Variants in DNAI7 observed in about 807,000 individuals in gnomAD.
The protein encoded by DNAI7 is cancer susceptibility 1.
A neutral mutation model predicts 86.6 loss-of-function variants in DNAI7; 78 were observed. That is an observed-to-expected ratio of 0.90 (90% confidence interval 0.75 to 1.09). The LOEUF (loss-of-function observed/expected upper bound fraction) is 1.09, where lower values mean the gene tolerates loss of function less well. Ranked by LOEUF, DNAI7 falls within the 50% of genes least tolerant of loss-of-function variation. The probability of loss-of-function intolerance (pLI) is 0.00; values close to 1 mark genes in which losing one functional copy is unlikely to be tolerated. For missense variants in DNAI7, 753 were observed against 810.2 expected, an observed-to-expected ratio of 0.93 and a Z score of 0.86; for synonymous variants, 274 against 273.0, an observed-to-expected ratio of 1.00 and a Z score of -0.04.
At chr12:25,122,648 T>A (rs1419302364) in intron 10 of DNAI7, among the ~76,000 whole-genome samples, 4 of 152,198 alleles carry the variant, frequency 2.6e-5, no homozygotes, top group African/African-American at 9.6e-5. Flanking sequence ...CGCTATTGCC[T>A]TGACACTTCT....
intron 9 of DNAI7, among the ~76,000 whole-genome samples, chr12:25,141,850 C>T (rs1378069560): frequency 6.6e-6 from 1 of 151,500 alleles, no homozygotes; most frequent in Non-Finnish European, 1.5e-5. Context: ...AAAAAAAAGG[C>T]CATAATTTAA....
At chr12:25,107,072 T>C, downstream of DNAI7, 1 of 1,365,496 alleles carries the variant, frequency 7.3e-7, no homozygotes. Context: ...ACTTGATAAA[T>C]TCTACCATTT....
intron 9 of DNAI7, among the ~76,000 whole-genome samples, chr12:25,129,296 G>T (rs901495611): frequency 6.6e-6 from 1 of 152,162 alleles, no homozygotes; most frequent in Middle Eastern, 3.4e-3. Context: ...ATTTATTGTT[G>T]ATTTCTCCTA....
In DNAI7 at chr12:25,121,768, T is replaced by C. The variant is rs1280139920; in HGVS notation, c.1224A>G (p.Gly408=). 5.0e-6 allele frequency: 8 copies of C among 1,599,296 alleles called. No individual in the cohort carries two copies. In the South Asian group the frequency reaches 6.9e-5, roughly 14 times the overall value. Residue 408 remains glycine, a synonymous_variant, in exon 11 of 16, where the codon GGA becomes GGG. Transcript: ENST00000395987. ...ELPPQCKPVK[G]WMIVEILKEG... ...ATCAACCTACTTCCACAATCATCCA[T>C]CCCTTCACTGGTTTACACTGTGGAG... is the stretch of plus-strand genomic sequence containing the variant.
intron 10 of DNAI7, 38 bp from the exon 11 acceptor site, chr12:25,121,951 C>T (rs770444340): frequency 1.4e-6 from 2 of 1,387,374 alleles, no homozygotes; most frequent in Admixed American, 2.5e-5. Context: ...AAATAGATTA[C>T]AGTTTAGTAT....
chr12:25,190,626 G>A lies in DNAI7; in HGVS notation c.9C>T (p.Pro3=), dbSNP rs373095400. The A allele has an allele frequency of 6.1e-5, 85 of 1,403,442 alleles. No individual in the cohort carries two copies. The highest frequency in any genetic ancestry group is 7.4e-5 in the Non-Finnish European group (76 of 1,029,008). 86.9% of individuals were successfully genotyped at this position (1,403,442 alleles called of 1,614,324 possible). A position where few individuals can be genotyped will look rare whatever the true frequency, so the allele number is the denominator to read the frequency against. The change falls in exon 2 of 16, where the codon CCC becomes CCT. Residue 3 remains proline (P), a synonymous_variant. Coordinates refer to ENST00000395987, the MANE Select transcript of DNAI7 (RefSeq NM_018272.5). MG[P]KAKKSGSKKK... is the part of the protein sequence containing the mutation. ...AAATTCTACATACCTTTTTTGCTTTGGGACCCTAAAAGTTGGAAAACAAAA... is the reference window on the plus strand; with the variant it reads ...AAATTCTACATACCTTTTTTGCTTTAGGACCCTAAAAGTTGGAAAACAAAA...
rs372123902 is a variant in DNAI7, at chr12:25,175,640, G to A, written c.22-14443C>T. On this transcript the variant is annotated intron_variant, in intron 2 of 15. Transcript: ENST00000395987. ...TGGGATTACAGGCATGAGCCACTGC[G>A]CCCGGCTCTACACATTTTTAAGGTG... Among the ~76,000 whole-genome samples, 29 of 138,484 alleles carry A rather than the reference G, an allele frequency of 2.1e-4. No individual in the cohort carries two copies. The South Asian group carries it at 2.1e-3, about 10-fold the overall frequency. 90.9% of individuals were successfully genotyped at this position (138,484 alleles called of 152,430 possible). A position where few individuals can be genotyped will look rare whatever the true frequency, so the allele number is the denominator to read the frequency against.
intron 2 of DNAI7, among the ~76,000 whole-genome samples, chr12:25,180,767 C>T (rs1949420368): frequency 6.6e-6 from 1 of 152,118 alleles, no homozygotes; most frequent in Non-Finnish European, 1.5e-5. Flanking sequence ...TAACTCTTAA[C>T]ATATATAAAA....
intron 2 of DNAI7, among the ~76,000 whole-genome samples, chr12:25,163,232 A>G (rs760471691): frequency 3.9e-5 from 6 of 152,228 alleles, no homozygotes; most frequent in Non-Finnish European, 7.3e-5. Context: ...TCTGAGCCCA[A>G]GCTAAGCCAT....
intron 14 of DNAI7, among the ~76,000 whole-genome samples, chr12:25,110,519 T>C (rs1477713514): frequency 6.6e-6 from 1 of 152,166 alleles, no homozygotes; most frequent in Non-Finnish European, 1.5e-5. Context: ...CTTTGCTCTC[T>C]CAGTTCCAGG....
intron 2 of DNAI7, among the ~76,000 whole-genome samples, chr12:25,169,712 G>A (rs1215302527): frequency 1.3e-5 from 2 of 151,970 alleles, no homozygotes; most frequent in African/African-American, 2.4e-5. Flanking sequence ...GCTGGATGTG[G>A]TGGCATGCAC....
intron 2 of DNAI7, among the ~76,000 whole-genome samples, chr12:25,180,063 TC>T (rs1949356668): frequency 6.6e-6 from 1 of 152,170 alleles, no homozygotes; most frequent in African/African-American, 2.4e-5. Flanking sequence ...TCCAAATACC[TC>T]CTGGACCTGA....
Position 25,108,542 on chromosome 12 carries a change from T to C in DNAI7, c.*6A>G, listed in dbSNP as rs1288100698. 3 of 1,608,068 alleles carry C rather than the reference T, an allele frequency of 1.9e-6. No homozygotes were observed. The East Asian group carries it at 6.7e-5, about 36-fold the overall frequency. ...TCATACTTACAATACAGTTTGTAAG[T>C]GGAGGTTAGGAGTAGCTGAGCAATC... On this transcript the variant is annotated 3_prime_UTR_variant, in exon 16 of 16. Transcript: ENST00000395987.
chr12:25,114,918 T>TA, intron 12 of DNAI7, 48 bp from the exon 13 acceptor site: 7 of 1,384,786 alleles, frequency 5.1e-6, no homozygotes, highest in Non-Finnish European at 7.0e-6. Flanking sequence ...TTTTCCCTAT[T>TA]AAAAAAAGAT....
intron 9 of DNAI7, among the ~76,000 whole-genome samples, chr12:25,128,580 CA>C (rs1942453425): frequency 1.3e-5 from 2 of 152,184 alleles, no homozygotes; most frequent in African/African-American, 4.8e-5. Context: ...TTGCATCCCC[CA>C]AACTTACCCA....
At chr12:25,169,027 C>T (rs1020104757) in intron 2 of DNAI7, among the ~76,000 whole-genome samples, 1 of 152,138 alleles carries the variant, frequency 6.6e-6, no homozygotes, top group African/African-American at 2.4e-5. Context: ...TCTCTCCATA[C>T]CACCCCCAAA....
rs116932968 is a variant in DNAI7, at chr12:25,136,747, A to T, written c.1002+7618T>A. Among the ~76,000 whole-genome samples the T allele has an allele frequency of 5.5e-3, 833 of 152,054 alleles. 6 individuals carry two copies. Among genetic ancestry groups the T allele is most frequent in the Non-Finnish European group, 8.7e-3 (591 of 68,032 alleles). ...CACAACTTCTGGAAAAGAAAGACAC[A>T]CTTAGAGAAATGCAAAATACACTGG... On this transcript the variant is annotated intron_variant, in intron 9 of 15. Coordinates refer to ENST00000395987, the MANE Select transcript of DNAI7 (RefSeq NM_018272.5).
chr12:25,167,952 C>T (rs973633903), intron 2 of DNAI7, among the ~76,000 whole-genome samples: 1 of 152,154 alleles, frequency 6.6e-6, no homozygotes, highest in African/African-American at 2.4e-5. Flanking sequence ...TTCCTTTACT[C>T]TTCATCTCCA....
intron 2 of DNAI7, among the ~76,000 whole-genome samples, chr12:25,162,379 A>C (rs1231386956): frequency 1.3e-5 from 2 of 152,232 alleles, no homozygotes; most frequent in Non-Finnish European, 2.9e-5. Flanking sequence ...TAGATCATTC[A>C]GGCAATTCTT....
Sources: gnomAD v4.1 joint callset for allele counts (sites outside exome capture counted in the v4.1 genomes callset) on GRCh38, gnomAD v4.1.1 for gene constraint, MANE v1.5 for transcripts, NCBI Gene and HGNC (gene_info 2026-07-23, HGNC 2026-07-21) for gene names.